The following EIF3I variants were observed in gnomAD, a reference collection of about 807,000 sequenced individuals.
The protein encoded by EIF3I is eukaryotic translation initiation factor 3 subunit I.
In EIF3I, 20 loss-of-function variants were observed where a neutral mutation model predicts 43.3. The observed-to-expected ratio is 0.46, with a 90% confidence interval of 0.32 to 0.67. The LOEUF (loss-of-function observed/expected upper bound fraction) is 0.67. EIF3I is among the 30% of genes least tolerant of loss of function. EIF3I has a pLI of 0.03. For synonymous variants in EIF3I, 167 were observed against 151.7 expected, an observed-to-expected ratio of 1.10 and a Z score of -0.74; for missense variants, 279 against 421.4, an observed-to-expected ratio of 0.66 and a Z score of 2.96.
At position 32,227,102 on chromosome 1, in the gene EIF3I, G is replaced by A. The variant is rs562269648; in HGVS notation, c.528+572G>A. ...TGATCCACCTGCCTCGGGTCCTGGT[G>A]ATAGCACACTAGTTCAGAACAAGGG... On this transcript the variant is annotated intron_variant, in intron 6 of 11. Coordinates refer to ENST00000676679, the Ensembl canonical transcript of EIF3I. 1.6e-3 allele frequency among the ~76,000 whole-genome samples: 246 copies of A among 149,846 alleles called. 1 individual carries two copies. The highest frequency in any genetic ancestry group is 4.0e-3 in the South Asian group (19 of 4,788).
intron 6 of EIF3I, among the ~76,000 whole-genome samples, chr1:32,226,824 CTTTTTTT>C (rs1216197071): frequency 2.5e-5 from 2 of 78,622 alleles, no homozygotes; most frequent in East Asian, 4.8e-4. Context: ...CCGCTCGTGG[CTTTTTTT>C]TTTTTTTTTT....
chr1:32,230,899 T>A, intron 10 of EIF3I, 28 bp from the exon 10 acceptor site: 1 of 1,531,578 alleles, frequency 6.5e-7, no homozygotes, highest in South Asian at 1.2e-5. Context: ...AGATAGAAAG[T>A]GAATTAATTG....
At chr1:32,227,498 G>A (rs113686854) in intron 6 of EIF3I, among the ~76,000 whole-genome samples, 114 of 152,104 alleles carry the variant, frequency 7.5e-4, no homozygotes, top group African/African-American at 2.5e-3. Context: ...ATCACAGGCC[G>A]GGTGTGGTGA....
At chr1:32,228,186 G>T (rs543276802) in intron 6 of EIF3I, among the ~76,000 whole-genome samples, 1 of 152,202 alleles carries the variant, frequency 6.6e-6, no homozygotes, top group African/African-American at 2.4e-5. Context: ...ACGTCCTTCA[G>T]TGTGAGGAGG....
At chr1:32,222,543 G>T in exon 2 of EIF3I, 2 of 1,614,168 alleles carry the variant, frequency 1.2e-6, no homozygotes, top group Non-Finnish European at 1.7e-6. Flanking sequence ...CACAGAAGCC[G>T]ATCCTACTGC....
At chr1:32,224,009 C>T (rs776835980) in intron 2 of EIF3I, 25 bp from the exon 3 acceptor site, 1 of 1,611,928 alleles carries the variant, frequency 6.2e-7, no homozygotes. Context: ...GGGATGTGTA[C>T]TATCCTGTGG....
intron 2 of EIF3I, 123 bp downstream of exon 2, chr1:32,222,753 G>C: frequency 1.0e-6 from 1 of 952,674 alleles, no homozygotes; most frequent in South Asian, 1.4e-5. Context: ...AGTAGGGAGA[G>C]GCCATGCCGG....
chr1:32,235,060 G>C (rs563970189), downstream of EIF3I: 2 of 152,804 alleles, frequency 1.3e-5, no homozygotes, highest in African/African-American at 2.4e-5. Flanking sequence ...GCTTTGCTCC[G>C]AGTCCCCACA....
intron 9 of EIF3I, among the ~76,000 whole-genome samples, chr1:32,230,053 A>C (rs1639211232): frequency 6.6e-6 from 1 of 152,002 alleles, no homozygotes; most frequent in Non-Finnish European, 1.5e-5. Context: ...CCATATAATA[A>C]AAAAGTTAAA....
chr1:32,229,547 C>CTTTT (rs1199129615), intron 9 of EIF3I, among the ~76,000 whole-genome samples: 2 of 104,490 alleles, frequency 1.9e-5, no homozygotes, highest in Non-Finnish European at 3.9e-5. Flanking sequence ...CGTGCCCAGC[C>CTTTT]TTTTTTTTTT....
chr1:32,235,385 C>T (rs1022576361), downstream of EIF3I, among the ~76,000 whole-genome samples: 6 of 151,012 alleles, frequency 4.0e-5, no homozygotes, highest in African/African-American at 1.5e-4. Flanking sequence ...GGCTGGAGTG[C>T]AGTGGTGCGA....
In EIF3I at chr1:32,225,656, G is replaced by A. The variant is rs1336416979; in HGVS notation, c.251-515G>A. On this transcript the variant is annotated intron_variant, in intron 4 of 11. Transcript: ENST00000676679. ...CTCAGGAGGCTGAGGCAGAAGAATC[G>A]CTTGAAAGGTTGCAGTGAGCCGAGA... 5.3e-5 allele frequency among the ~76,000 whole-genome samples: 8 copies of A among 149,556 alleles called. No individual in the cohort carries two copies. The South Asian group carries it at 8.5e-4, about 16-fold the overall frequency.
downstream of EIF3I, among the ~76,000 whole-genome samples, chr1:32,232,432 T>C (rs1269150204): frequency 6.6e-6 from 1 of 152,236 alleles, no homozygotes; most frequent in East Asian, 1.9e-4. Context: ...TTTGCCTCAA[T>C]GTCAGAGAAG....
chr1:32,224,239 C>A, intron 3 of EIF3I, 118 bp downstream of exon 3: 1 of 1,131,856 alleles, frequency 8.8e-7, no homozygotes, highest in Non-Finnish European at 1.3e-6. Flanking sequence ...ACCTCCTACT[C>A]CCTGGTCTCT....
chr1:32,230,733 A>T (rs966421528), intron 10 of EIF3I, among the ~76,000 whole-genome samples, 194 bp from the exon 10 acceptor site: 2 of 152,140 alleles, frequency 1.3e-5, no homozygotes, highest in Non-Finnish European at 2.9e-5. Context: ...CTGAGGCAGG[A>T]GAATTGCTTG....
exon 2 of EIF3I, chr1:32,222,587 A>G (rs140164523): frequency 1.2e-4 from 196 of 1,614,070 alleles, no homozygotes; most frequent in Non-Finnish European, 1.6e-4. Flanking sequence ...CAGATTAAGT[A>G]TAACCGCGAA....
rs1446097764 is a variant in EIF3I at position 32,224,488 on chromosome 1, C to T, written c.250+13C>T. 1.2e-6 allele frequency: 2 copies of T among 1,610,788 alleles called. No homozygotes were observed. Among genetic ancestry groups the T allele is most frequent in the African/African-American group, 1.3e-5 (1 of 74,794 alleles). ...GACTGTGAAACAGGTAAGCTGGGTT[C>T]ATTCACCTTTTTAGCAAATATTGAG... On this transcript the variant is annotated intron_variant, in intron 4 of 11. Coordinates refer to ENST00000676679, the Ensembl canonical transcript of EIF3I.
intron 2 of EIF3I, among the ~76,000 whole-genome samples, chr1:32,223,457 G>C (rs1244361448): frequency 6.6e-6 from 1 of 152,028 alleles, no homozygotes; most frequent in African/African-American, 2.4e-5. Flanking sequence ...CTAATTTTTT[G>C]TATCTTTAGT....
chr1:32,226,824 CTTTTT>C (rs1216197071), intron 6 of EIF3I, among the ~76,000 whole-genome samples: 3 of 78,622 alleles, frequency 3.8e-5, no homozygotes, highest in Non-Finnish European at 2.3e-5. Context: ...CCGCTCGTGG[CTTTTT>C]TTTTTTTTTT....
Sources: allele counts gnomAD v4.1 joint callset (sites outside exome capture counted in the v4.1 genomes callset), GRCh38; gene constraint gnomAD v4.1.1; transcripts MANE v1.5; gene names NCBI Gene and HGNC (gene_info 2026-07-23, HGNC 2026-07-21).